Variants in CSMD2 observed in about 807,000 individuals in gnomAD.
CSMD2 encodes the protein CUB and sushi domain-containing protein 2.
Under a neutral mutation model 398.5 loss-of-function variants are expected in CSMD2, and 130 were observed. The observed-to-expected ratio is 0.33, with a 90% CI of 0.28 to 0.38. The LOEUF is 0.38. Ranked by LOEUF, CSMD2 falls within the 10% of genes least tolerant of loss-of-function variation. The pLI, the probability that CSMD2 is intolerant of heterozygous loss-of-function variation, is 1.00. For missense variants in CSMD2, 3,829 were observed against 4,764.9 expected (o/e 0.80, Z 5.78); for synonymous variants, 1,828 against 1,908.5 (o/e 0.96, Z 1.10).
rs1229352899 is a variant in CSMD2 at position 34,076,922 on chromosome 1, A to AT, written c.404+12054_404+12055insA. 4.6e-4 allele frequency among the ~76,000 whole-genome samples: 49 copies of AT among 107,134 alleles called. 1 individual carries two copies. The highest frequency in any genetic ancestry group is 2.0e-3 in the African/African-American group (48 of 23,484). 70.3% of individuals were successfully genotyped at this position (107,134 alleles called of 152,430 possible). ...GTTACAGCAAAGCAAAAAAAAAAAA[A>AT]AAAAAAATATATATATATATATATA... is the stretch of plus-strand genomic sequence containing the variant. On this transcript the variant is annotated intron_variant, in intron 2 of 70. Transcript: ENST00000373381.
chr1:33,980,187 T>C (rs1211876882), intron 3 of CSMD2, among the ~76,000 whole-genome samples: 1 of 152,110 alleles, frequency 6.6e-6, no homozygotes, highest in Non-Finnish European at 1.5e-5. Flanking sequence ...CCTGAGAAGT[T>C]TCACAGACTC....
chr1:33,988,611 G>A (rs897046834), intron 3 of CSMD2, among the ~76,000 whole-genome samples: 5 of 152,052 alleles, frequency 3.3e-5, no homozygotes, highest in African/African-American at 1.2e-4. Context: ...GCTAAGCCAC[G>A]GTCTCCATGA....
chr1:34,140,769 A>T (rs1206501047), intron 1 of CSMD2, among the ~76,000 whole-genome samples: 1 of 152,184 alleles, frequency 6.6e-6, no homozygotes, highest in Non-Finnish European at 1.5e-5. Context: ...ACAGAGAACA[A>T]CACTTTTCTC....
chr1:33,594,110 C>T (rs1419650890), intron 44 of CSMD2, among the ~76,000 whole-genome samples: 1 of 152,038 alleles, frequency 6.6e-6, no homozygotes, highest in East Asian at 1.9e-4. Context: ...CCATATGTTC[C>T]ATTATTATTT....
intron 13 of CSMD2, among the ~76,000 whole-genome samples, chr1:33,750,702 G>A (rs1182237498): frequency 1.3e-5 from 2 of 152,146 alleles, no homozygotes; most frequent in Non-Finnish European, 2.9e-5. Context: ...ATGATAAAGG[G>A]GGCTTTTGAA....
rs138988639 is a variant in CSMD2 at position 34,119,845 on chromosome 1, TA to T, written c.188-30653del. 7.7e-3 allele frequency among the ~76,000 whole-genome samples: 1,172 copies of T among 152,240 alleles called. 23 individuals carry two copies. The highest frequency in any genetic ancestry group is 0.027 in the African/African-American group (1,113 of 41,536). ...GGAGTGTAAAATGGTACAGCTGCTATAAAAAACAGCATGGAAGATCCTCAAA... is the reference window on the plus strand; with the variant it reads ...GGAGTGTAAAATGGTACAGCTGCTATAAAAACAGCATGGAAGATCCTCAAA... On this transcript the variant is annotated intron_variant, in intron 1 of 70. Transcript: ENST00000373381.
chr1:34,128,541 A>G (rs1213914370), intron 1 of CSMD2, among the ~76,000 whole-genome samples: 1 of 152,184 alleles, frequency 6.6e-6, no homozygotes, highest in African/African-American at 2.4e-5. Context: ...AGAAGCCTGA[A>G]GTTCAGGCAG....
At chr1:33,540,431 AC>A in intron 60 of CSMD2, 93 bp downstream of exon 60, 1 of 1,306,628 alleles carries the variant, frequency 7.7e-7, no homozygotes, top group Non-Finnish European at 1.1e-6. Flanking sequence ...GGAGGGGACT[AC>A]CTATTCTGGG....
intron 58 of CSMD2, among the ~76,000 whole-genome samples, chr1:33,541,738 C>T (rs1162818640): frequency 6.6e-6 from 1 of 152,210 alleles, no homozygotes; most frequent in African/African-American, 2.4e-5. Flanking sequence ...TCACCTTATT[C>T]AAAGTGCCCC....
rs916534807 is a variant in CSMD2, at chr1:34,164,320, G to C, written c.187+591C>G. On this transcript the variant is annotated intron_variant, in intron 1 of 70. Coordinates refer to ENST00000373381, the MANE Select transcript of CSMD2 (RefSeq NM_001281956.2). The surrounding 1 kb of genome is among the most constrained non-coding windows in gnomAD (Gnocchi z 6.2). ...ACGCGTCCACCTGAACCCCCTCCTA[G>C]CTCCGAGCGCCGAGGGAGGGGTAGC... Among the ~76,000 whole-genome samples, 2 of 152,056 alleles carry C rather than the reference G, an allele frequency of 1.3e-5. No individual in the cohort carries two copies. Among genetic ancestry groups the C allele is most frequent in the Admixed American group, 6.5e-5 (1 of 15,282 alleles).
chr1:33,692,457 G>A (rs1275386195), intron 25 of CSMD2, among the ~76,000 whole-genome samples: 1 of 152,164 alleles, frequency 6.6e-6, no homozygotes, highest in Admixed American at 6.5e-5. Flanking sequence ...CTTGCTAACT[G>A]TCAGAAATAA....
chr1:33,742,347 G>A (rs1385572591), intron 14 of CSMD2, among the ~76,000 whole-genome samples: 1 of 152,228 alleles, frequency 6.6e-6, no homozygotes, highest in Non-Finnish European at 1.5e-5. Flanking sequence ...CGGTGGGAAT[G>A]GGGGTTGGGA....
At chr1:33,886,212 A>G (rs1462450389) in intron 5 of CSMD2, among the ~76,000 whole-genome samples, 2 of 152,200 alleles carry the variant, frequency 1.3e-5, no homozygotes, top group African/African-American at 2.4e-5. Flanking sequence ...GGAGCCATCA[A>G]AGAGTTTTCA....
chr1:33,550,322 C>T lies in CSMD2; in HGVS notation c.8772G>A (p.Pro2924=), dbSNP rs762621710. The stretch of plus-strand genomic sequence containing the variant: ...TGTCTCCAGACATCTGGGAGTGAGG[C>T]GGGGAGCCCGGATGGCCACAGGACA... ...LLVSCGHPGS[P]PHSQMSGDSY... Residue 2924 remains proline, a synonymous_variant, in exon 56 of 71, where the codon CCG becomes CCA. Coordinates refer to ENST00000373381, the MANE Select transcript of CSMD2 (RefSeq NM_001281956.2). The T allele has an allele frequency of 1.3e-5, 21 of 1,613,916 alleles. No individual in the cohort carries two copies. The highest frequency in any genetic ancestry group is 4.0e-5 in the African/African-American group (3 of 74,908).
At chr1:34,148,689 C>T (rs114610300) in intron 1 of CSMD2, among the ~76,000 whole-genome samples, 2,730 of 152,308 alleles carry the variant, frequency 0.018, 29 homozygotes, top group Non-Finnish European at 0.028. Flanking sequence ...CCTTTACAAG[C>T]ATGACTTTGA....
intron 29 of CSMD2, among the ~76,000 whole-genome samples, chr1:33,638,444 C>T (rs1464670138): frequency 1.3e-5 from 2 of 152,240 alleles, no homozygotes; most frequent in Non-Finnish European, 2.9e-5. Context: ...CCAATAACCA[C>T]TTTCCCCACC....
chr1:33,775,299 T>C (rs1651825833), intron 12 of CSMD2, among the ~76,000 whole-genome samples: 1 of 152,240 alleles, frequency 6.6e-6, no homozygotes, highest in Non-Finnish European at 1.5e-5. Context: ...GTCCCAGCAC[T>C]GTCAGAGCCT....
At chr1:33,795,886 G>A (rs1654894114) in intron 10 of CSMD2, among the ~76,000 whole-genome samples, 1 of 152,236 alleles carries the variant, frequency 6.6e-6, no homozygotes, top group Non-Finnish European at 1.5e-5. Flanking sequence ...TAGCATGGAT[G>A]GATTGCTAGG....
chr1:33,603,799 T>C (rs544003307), intron 42 of CSMD2, among the ~76,000 whole-genome samples: 9 of 152,318 alleles, frequency 5.9e-5, no homozygotes, highest in Non-Finnish European at 1.3e-4. Flanking sequence ...TTCATATTTA[T>C]ACTCAGACCT....
Sources: gnomAD v4.1 joint callset for allele counts (sites outside exome capture counted in the v4.1 genomes callset) on GRCh38, gnomAD v4.1.1 for gene constraint, Gnocchi (gnomAD v3.1) non-coding constraint, MANE v1.5 for transcripts, NCBI Gene and HGNC (gene_info 2026-07-23, HGNC 2026-07-21) for gene names.